PDLIM3: variants seen among roughly 807,000 people sequenced by gnomAD.
The protein encoded by PDLIM3 is PDZ and LIM domain 3.
Under a neutral mutation model 37.3 loss-of-function variants are expected in PDLIM3, and 36 were observed. The ratio of observed to expected loss-of-function variants is 0.97; its 90% confidence interval spans 0.74 to 1.28. The LOEUF (loss-of-function observed/expected upper bound fraction) is 1.28, where lower values mean the gene tolerates loss of function less well. Ranked by LOEUF, PDLIM3 falls within the 50% of genes most tolerant of loss-of-function variation. The probability of loss-of-function intolerance (pLI) is 0.00; values close to 1 mark genes in which losing one functional copy is unlikely to be tolerated. For missense variants in PDLIM3, 454 were observed against 485.0 expected, an observed-to-expected ratio of 0.94 and a Z score of 0.60; for synonymous variants, 174 against 182.4, an observed-to-expected ratio of 0.95 and a Z score of 0.37.
At position 185,504,465 on chromosome 4, in the gene PDLIM3, T is replaced by TAAAAAA; in HGVS notation, c.905+9_905+10insTTTTTT. 1.2e-6 allele frequency: 2 copies of TAAAAAA among 1,600,084 alleles called. No homozygotes were observed. Among genetic ancestry groups the TAAAAAA allele is most frequent in the Non-Finnish European group, 1.7e-6 (2 of 1,167,372 alleles). ...GTATCGTAAATTCCAGGGTTAAAAG[T>TAAAAAA]GAAACTTACACTATGCCACTCCCAC... On this transcript the variant is annotated intron_variant, in intron 7 of 7. Coordinates refer to ENST00000284767, the MANE Select transcript of PDLIM3 (RefSeq NM_014476.6). This position sits in a 1 kb window ranked among gnomAD's most constrained non-coding sequence, Gnocchi z 4.7.
intron 5 of PDLIM3, among the ~76,000 whole-genome samples, chr4:185,507,400 CTTTA>C (rs1207400421): frequency 6.6e-6 from 1 of 152,056 alleles, no homozygotes. Context: ...TTAAGCACTA[CTTTA>C]TTATTTTATA....
Position 185,500,746 on chromosome 4 carries a change from G to A in PDLIM3, c.*1548C>T, listed in dbSNP as rs1282971097. 4 of 152,212 alleles carry A rather than the reference G, an allele frequency of 2.6e-5. No homozygotes were observed. 9.4% of individuals were successfully genotyped at this position (152,212 alleles called of 1,614,324 possible). On this transcript the variant is annotated 3_prime_UTR_variant, in exon 8 of 8. Coordinates refer to ENST00000284767, the MANE Select transcript of PDLIM3 (RefSeq NM_014476.6). ...TGGCACAGGAGTTGCAATGTCAAAT[G>A]CCTACAGGGGCCAGGCACGTGTTTT...
Position 185,521,720 on chromosome 4 carries a change from C to A in PDLIM3, c.330+1642G>T, listed in dbSNP as rs1232068751. Among the ~76,000 whole-genome samples, 14 of 66,080 alleles carry A rather than the reference C, an allele frequency of 2.1e-4. 4 individuals carry two copies. The highest frequency in any genetic ancestry group is 3.4e-4 in the Admixed American group (2 of 5,896). 43.4% of individuals were successfully genotyped at this position (66,080 alleles called of 152,430 possible). A position where few individuals can be genotyped will look rare whatever the true frequency, so the allele number is the denominator to read the frequency against. On this transcript the variant is annotated intron_variant, in intron 3 of 7. Transcript: ENST00000284767. ...TCAACTTTCAAGATTACTTTCCATG[C>A]AACAGCTGAGAGTGATGGCAGAACA...
At chr4:185,519,987 T>C (rs1480881140) in intron 3 of PDLIM3, among the ~76,000 whole-genome samples, 1 of 152,166 alleles carries the variant, frequency 6.6e-6, no homozygotes, top group African/African-American at 2.4e-5. Flanking sequence ...GTCATTTTGA[T>C]AAAAAAGAAA....
Position 185,502,362 on chromosome 4 carries a change from T to C in PDLIM3, c.1027A>G (p.Thr343Ala), listed in dbSNP as rs569673500. ...FFIEGELYCE[T>A]HARARTKPPE... ...GGCTTTGTGCGGGCTCTTGCGTGGG[T>C]TTCGCAGTACAGCTCCCCTTCTATG... The change falls in exon 8 of 8, where the codon ACC becomes GCC. Residue 343 changes from threonine (T) to alanine (A), a missense_variant. Thr to Ala is a moderately conservative substitution (Grantham distance 58). Transcript: ENST00000284767. The C allele has an allele frequency of 1.7e-4, 269 of 1,614,086 alleles. 4 individuals carry two copies. The South Asian group carries it at 2.9e-3, about 17-fold the overall frequency.
At position 185,525,060 on chromosome 4, in the gene PDLIM3, T is replaced by C; in HGVS notation, c.205A>G (p.Ile69Val). The change falls in exon 2 of 8, where the codon ATT (isoleucine) becomes GTT (valine). Residue 69 changes from isoleucine to valine, a missense_variant. Coordinates refer to ENST00000284767, the MANE Select transcript of PDLIM3 (RefSeq NM_014476.6). ...SMTHADAQDR[I>V]KAAAHQLCLK... ...CACAGCTGGTGAGCTGCTGCTTTAA[T>C]CCTGTCCTGCGCATCAGCATGAGTC... 1 of 1,614,158 alleles carries C rather than the reference T, an allele frequency of 6.2e-7. No homozygotes were observed. The highest frequency in any genetic ancestry group is 1.1e-5 in the South Asian group (1 of 91,080).
At chr4:185,528,090 ACAAAACACACAAG>A (rs2095737417) in intron 1 of PDLIM3, among the ~76,000 whole-genome samples, 1 of 151,536 alleles carries the variant, frequency 6.6e-6, no homozygotes, top group Non-Finnish European at 1.5e-5. Flanking sequence ...AAACAAACAA[ACAAAACACACAAG>A]CAGGTGTATC....
In PDLIM3 at chr4:185,522,845, C is replaced by T. The variant is rs555346394; in HGVS notation, c.330+517G>A. ...TTCAGCTGTAACGGCAGAATATCACCATCATCACACTAGGCAACACTCTTT... is the reference window on the plus strand; with the variant it reads ...TTCAGCTGTAACGGCAGAATATCACTATCATCACACTAGGCAACACTCTTT... On this transcript the variant is annotated intron_variant, in intron 3 of 7. Transcript: ENST00000284767. Among the ~76,000 whole-genome samples the T allele has an allele frequency of 5.4e-4, 15 of 27,992 alleles. 7 individuals carry two copies. In the Non-Finnish European group the frequency reaches 6.3e-3, roughly 12 times the overall value. The allele number at this position is 27,992 out of a possible 152,430, so 18.4% of individuals were successfully genotyped here. A position where few individuals can be genotyped will look rare whatever the true frequency, so the allele number is the denominator to read the frequency against.
At chr4:185,530,901 C>A (rs550672651) in intron 1 of PDLIM3, among the ~76,000 whole-genome samples, 1 of 151,390 alleles carries the variant, frequency 6.6e-6, no homozygotes, top group Admixed American at 6.6e-5. Context: ...TAATAATGGC[C>A]CCAAAGTGCA....
At chr4:185,523,610 A>T (rs1175603136) in intron 2 of PDLIM3, among the ~76,000 whole-genome samples, 164 bp from the exon 3 acceptor site, 2 of 137,542 alleles carry the variant, frequency 1.5e-5, no homozygotes, top group Non-Finnish European at 3.0e-5. Context: ...CCACATAATT[A>T]GTCTTCCCCC....
chr4:185,511,346 AT>A (rs2095706205), intron 4 of PDLIM3, among the ~76,000 whole-genome samples: 1 of 148,788 alleles, frequency 6.7e-6, no homozygotes, highest in Non-Finnish European at 1.5e-5. Flanking sequence ...GCTGTTAACA[AT>A]TTAGCATGTC....
chr4:185,520,264 A>T (rs894654494), intron 3 of PDLIM3, among the ~76,000 whole-genome samples: 1 of 152,232 alleles, frequency 6.6e-6, no homozygotes, highest in Non-Finnish European at 1.5e-5. Flanking sequence ...TCTCATAAGG[A>T]GTAGAAATCC....
Position 185,521,545 on chromosome 4 carries a change from G to A in PDLIM3, c.330+1817C>T, listed in dbSNP as rs1473561028. On this transcript the variant is annotated intron_variant, in intron 3 of 7. Coordinates refer to ENST00000284767, the MANE Select transcript of PDLIM3 (RefSeq NM_014476.6). ...CTGTGTAGCTGGGACTTACAGGTGT[G>A]TACCAACATGCCCTGGTTAATTTTT... 4.7e-5 allele frequency among the ~76,000 whole-genome samples: 3 copies of A among 64,136 alleles called. 1 individual carries two copies. The highest frequency in any genetic ancestry group is 8.4e-5 in the African/African-American group (3 of 35,510). 42.1% of individuals were successfully genotyped at this position (64,136 alleles called of 152,430 possible). A position where few individuals can be genotyped will look rare whatever the true frequency, so the allele number is the denominator to read the frequency against.
intron 7 of PDLIM3, among the ~76,000 whole-genome samples, chr4:185,503,041 C>A (rs997801161): frequency 1.3e-5 from 2 of 152,100 alleles, no homozygotes; most frequent in Admixed American, 6.5e-5. Flanking sequence ...TCCTGGCTAA[C>A]ACGGTGAAAC....
In PDLIM3 at chr4:185,504,486, C is replaced by G. The variant is rs951740054; in HGVS notation, c.894G>C (p.Gly298=). The G allele has an allele frequency of 1.7e-5, 28 of 1,613,056 alleles. No individual in the cohort carries two copies. Among genetic ancestry groups the G allele is most frequent in the Non-Finnish European group, 2.4e-5 (28 of 1,179,104 alleles). The change falls in exon 7 of 8, where the codon GGG becomes GGC. Residue 298 remains glycine, a synonymous_variant. Coordinates refer to ENST00000284767, the MANE Select transcript of PDLIM3 (RefSeq NM_014476.6). The surrounding 1 kb of genome is among the most constrained non-coding windows in gnomAD (Gnocchi z 4.7). Reference sequence around the variant, plus strand: ...AAAGTGAAACTTACACTATGCCACTCCCACATTTGTCACAGAGCGGCATCC... The same window carrying G: ...AAAGTGAAACTTACACTATGCCACTGCCACATTTGTCACAGAGCGGCATCC... ...AQRMPLCDKC[G]SGIVGAVVKA...
intron 4 of PDLIM3, among the ~76,000 whole-genome samples, chr4:185,508,782 A>G (rs1247729343): frequency 6.6e-6 from 1 of 152,262 alleles, no homozygotes; most frequent in Non-Finnish European, 1.5e-5. Flanking sequence ...TAATAAAATT[A>G]AAAGGTACAG....
intron 3 of PDLIM3, among the ~76,000 whole-genome samples, chr4:185,520,296 A>G (rs2095721533): frequency 6.6e-6 from 1 of 152,188 alleles, no homozygotes; most frequent in South Asian, 2.1e-4. Context: ...AGTAGAACTG[A>G]ATTGTTCTTA....
chr4:185,506,830 G>T, intron 5 of PDLIM3, 178 bp from the exon 6 acceptor site: 1 of 601,974 alleles, frequency 1.7e-6, no homozygotes, highest in South Asian at 2.1e-5. Flanking sequence ...TCAAATGGCT[G>T]CCTTGGAAAT....
In PDLIM3 at chr4:185,504,199, C is replaced by T. The variant is rs998700359; in HGVS notation, c.905+276G>A. 3.3e-5 allele frequency among the ~76,000 whole-genome samples: 5 copies of T among 151,630 alleles called. No homozygotes were observed. The highest frequency in any genetic ancestry group is 2.1e-4 in the South Asian group (1 of 4,806). ...TTAAAGTGAAGTCTTGATTCTTAGACGTGACTTTTCAACATACATTTGGGC... is the reference window on the plus strand; with the variant it reads ...TTAAAGTGAAGTCTTGATTCTTAGATGTGACTTTTCAACATACATTTGGGC... On this transcript the variant is annotated intron_variant, in intron 7 of 7. Transcript: ENST00000284767. The surrounding 1 kb of genome is among the most constrained non-coding windows in gnomAD (Gnocchi z 4.7).
Sources: allele counts gnomAD v4.1 joint callset (sites outside exome capture counted in the v4.1 genomes callset), GRCh38; gene constraint gnomAD v4.1.1; non-coding constraint Gnocchi (gnomAD v3.1); transcripts MANE v1.5; gene names NCBI Gene and HGNC (gene_info 2026-07-23, HGNC 2026-07-21).